The following ASTN1 variants were observed in gnomAD, a reference collection of about 807,000 sequenced individuals.
ASTN1 encodes the protein astrotactin 1.
A neutral mutation model predicts 140.7 loss-of-function variants in ASTN1; 41 were observed. That is an observed-to-expected ratio of 0.29 (90% CI 0.23 to 0.38). ASTN1 has a LOEUF of 0.38. Among genes scored for constraint, ASTN1 ranks in the 10% least tolerant of loss-of-function variants. The pLI is 1.00. For missense variants in ASTN1, 1,479 were observed against 1,678.8 expected (o/e 0.88, Z 2.08); for synonymous variants, 640 against 652.2 (o/e 0.98, Z 0.29).
chr1:177,106,287 A>G (rs189256608), intron 1 of ASTN1, among the ~76,000 whole-genome samples: 41 of 152,276 alleles, frequency 2.7e-4, no homozygotes, highest in Admixed American at 3.9e-4. Context: ...TGATGACACA[A>G]ATGTATCCTT....
chr1:176,888,124 G>T lies in ASTN1; in HGVS notation c.3021C>A (p.Ser1007=), dbSNP rs148903133. The change falls in exon 18 of 23, where the codon TCC becomes TCA. Residue 1007 remains serine, a synonymous_variant. Transcript: ENST00000361833. ...GGAGTCCATCAGCTCCAAAAGCAGT[G>T]GAGTCACATCGACACCAGTCCTCGA... is the stretch of plus-strand genomic sequence containing the variant. ...DVIEDWCRCD[S]TAFGADGLPT... 2 of 1,614,138 alleles carry T rather than the reference G, an allele frequency of 1.2e-6. No homozygotes were observed. The highest frequency in any genetic ancestry group is 1.7e-6 in the Non-Finnish European group (2 of 1,180,014).
intron 5 of ASTN1, chr1:177,029,297 A>G (rs2101969370): frequency 1.9e-6 from 1 of 513,290 alleles, no homozygotes; most frequent in Non-Finnish European, 4.0e-6. Context: ...TTCACATACA[A>G]CACACTTTAT....
At chr1:176,930,472 C>A (rs1671160153) in intron 16 of ASTN1, among the ~76,000 whole-genome samples, 1 of 152,034 alleles carries the variant, frequency 6.6e-6, no homozygotes, top group Non-Finnish European at 1.5e-5. Flanking sequence ...AGGACAAAAC[C>A]CCATGAAATG....
At chr1:176,971,657 C>T (rs1165273228) in intron 8 of ASTN1, among the ~76,000 whole-genome samples, 2 of 152,104 alleles carry the variant, frequency 1.3e-5, no homozygotes, top group East Asian at 3.8e-4. Flanking sequence ...CTCATGGCAC[C>T]CTGCACTTTC....
chr1:177,009,804 C>T (rs1675198984), intron 8 of ASTN1, among the ~76,000 whole-genome samples: 1 of 152,188 alleles, frequency 6.6e-6, no homozygotes, highest in Non-Finnish European at 1.5e-5. Context: ...GTTCATTTTC[C>T]ACAGCAGGTC....
chr1:177,164,304 T>C, intron 1 of ASTN1, 90 bp downstream of exon 1: 2 of 1,299,582 alleles, frequency 1.5e-6, no homozygotes, highest in Non-Finnish European at 2.0e-6. Context: ...GGGGAGGTCG[T>C]CGGCGAGTGG....
chr1:176,948,322 G>A (rs1166545859), intron 12 of ASTN1, among the ~76,000 whole-genome samples: 1 of 145,248 alleles, frequency 6.9e-6, no homozygotes, highest in Non-Finnish European at 1.5e-5. Flanking sequence ...AATGGAGAGT[G>A]GGGGAAGGAT....
At chr1:177,089,791 T>A (rs1679655086) in intron 1 of ASTN1, among the ~76,000 whole-genome samples, 1 of 152,132 alleles carries the variant, frequency 6.6e-6, no homozygotes. Flanking sequence ...CAAAATGGAC[T>A]CTTAGCAAAG....
chr1:176,961,430 C>G (rs1672655991), intron 9 of ASTN1, among the ~76,000 whole-genome samples: 3 of 152,184 alleles, frequency 2.0e-5, no homozygotes, highest in Admixed American at 1.3e-4. Context: ...TTGGGTGAGA[C>G]TAACCTTTGC....
rs139769903 is a variant in ASTN1, at chr1:176,934,394, C to T, written c.2483-54G>A. On this transcript the variant is annotated intron_variant, in intron 15 of 22. Transcript: ENST00000361833. ...AATGAGGGCTCAGATTTTGGGTATACGGATTCCCAGGCAATTCAGTCCCAA... is the reference window on the plus strand; with the variant it reads ...AATGAGGGCTCAGATTTTGGGTATATGGATTCCCAGGCAATTCAGTCCCAA... 3.2e-4 allele frequency: 478 copies of T among 1,509,098 alleles called. 4 individuals carry two copies. The highest frequency in any genetic ancestry group is 2.8e-3 in the South Asian group (218 of 77,996). 93.5% of individuals were successfully genotyped at this position (1,509,098 alleles called of 1,614,324 possible). A position where few individuals can be genotyped will look rare whatever the true frequency, so the allele number is the denominator to read the frequency against.
intron 8 of ASTN1, among the ~76,000 whole-genome samples, chr1:177,013,416 A>G (rs1675389954): frequency 6.6e-6 from 1 of 152,180 alleles, no homozygotes; most frequent in Non-Finnish European, 1.5e-5. Context: ...CTTAGTCATC[A>G]GCTGGCTAAG....
rs1676065531 is a variant in ASTN1, at chr1:177,025,555, G to A, written c.1121-823C>T. Among the ~76,000 whole-genome samples the A allele has an allele frequency of 2.0e-5, 3 of 152,170 alleles. No homozygotes were observed. In the South Asian group the frequency reaches 6.2e-4, roughly 32 times the overall value. Reference sequence around the variant, plus strand: ...GCTTATGGAAGCAGAACAGATGTGGGAAAGTAAGAAAGCAAGACGACAGAA... The same window carrying A: ...GCTTATGGAAGCAGAACAGATGTGGAAAAGTAAGAAAGCAAGACGACAGAA... On this transcript the variant is annotated intron_variant, in intron 5 of 22. Coordinates refer to ENST00000361833, the MANE Select transcript of ASTN1 (RefSeq NM_004319.3).
At chr1:177,011,710 TACACACATGC>T (rs918687575) in intron 8 of ASTN1, among the ~76,000 whole-genome samples, 8 of 150,828 alleles carry the variant, frequency 5.3e-5, no homozygotes, top group African/African-American at 1.9e-4. Context: ...CACACATGCA[TACACACATGC>T]ACACACATGC....
At chr1:177,083,325 T>C (rs908931827) in intron 1 of ASTN1, among the ~76,000 whole-genome samples, 3 of 152,118 alleles carry the variant, frequency 2.0e-5, no homozygotes, top group Non-Finnish European at 2.9e-5. Context: ...TCTATCGCCC[T>C]CTTTCTGGAA....
rs170570 is a variant in ASTN1, at chr1:177,113,830, A to C, written c.283+50564T>G. On this transcript the variant is annotated intron_variant, in intron 1 of 22. Coordinates refer to ENST00000361833, the MANE Select transcript of ASTN1 (RefSeq NM_004319.3). ...TGATAGTTAATTAGTGGGTATGGAGAGAGTGAGGAGTCTCCCACAGAAACC... is the reference window on the plus strand; with the variant it reads ...TGATAGTTAATTAGTGGGTATGGAGCGAGTGAGGAGTCTCCCACAGAAACC... 6.0e-4 allele frequency among the ~76,000 whole-genome samples: 92 copies of C among 152,354 alleles called. 1 individual carries two copies. Among genetic ancestry groups the C allele is most frequent in the African/African-American group, 2.1e-3 (89 of 41,584 alleles).
intron 16 of ASTN1, among the ~76,000 whole-genome samples, chr1:176,912,713 G>A (rs916119326): frequency 2.6e-5 from 4 of 152,120 alleles, no homozygotes; most frequent in African/African-American, 4.8e-5. Context: ...TAATGGTAAG[G>A]AACACAGGGG....
intron 8 of ASTN1, among the ~76,000 whole-genome samples, chr1:177,002,707 G>A (rs1674794065): frequency 6.6e-6 from 1 of 152,136 alleles, no homozygotes; most frequent in Non-Finnish European, 1.5e-5. Flanking sequence ...TAGTATGAGT[G>A]TTTGAACAAG....
At chr1:177,095,946 C>T (rs970136371) in intron 1 of ASTN1, among the ~76,000 whole-genome samples, 9 of 152,142 alleles carry the variant, frequency 5.9e-5, no homozygotes, top group Admixed American at 5.9e-4. Context: ...CCAAGCCTAG[C>T]CCCAGTGTTT....
At chr1:176,998,662 G>A (rs754395609) in intron 8 of ASTN1, among the ~76,000 whole-genome samples, 3 of 152,134 alleles carry the variant, frequency 2.0e-5, no homozygotes, top group Non-Finnish European at 2.9e-5. Context: ...TCACCCACCC[G>A]ACCGCTGTGC....
Sources: gnomAD v4.1 joint callset for allele counts (sites outside exome capture counted in the v4.1 genomes callset) on GRCh38, gnomAD v4.1.1 for gene constraint, MANE v1.5 for transcripts, NCBI Gene and HGNC (gene_info 2026-07-23, HGNC 2026-07-21) for gene names.